PNPLA5: variants seen among roughly 807,000 people sequenced by gnomAD.
The protein encoded by PNPLA5 is patatin-like phospholipase domain-containing protein 5.
In PNPLA5, 44 loss-of-function variants were observed where a neutral mutation model predicts 49.1. The observed-to-expected ratio is 0.90, with a 90% CI of 0.70 to 1.15. The LOEUF (loss-of-function observed/expected upper bound fraction) is 1.15, where lower values mean the gene tolerates loss of function less well. PNPLA5 is among the 50% of genes most tolerant of loss of function. The pLI is 0.00. For missense variants in PNPLA5, 603 were observed against 564.0 expected (o/e 1.07, Z -0.70); for synonymous variants, 243 against 244.4 (o/e 0.99, Z 0.06).
rs1164781414 is a variant in PNPLA5 at position 43,891,791 on chromosome 22, G to T, written c.90C>A (p.Cys30Ter). 2 of 1,526,652 alleles carry T rather than the reference G, an allele frequency of 1.3e-6. No homozygotes were observed. Among genetic ancestry groups the T allele is most frequent in the Non-Finnish European group, 1.8e-6 (2 of 1,140,434 alleles). The allele number at this position is 1,526,652 out of a possible 1,614,324, so 94.6% of individuals were successfully genotyped here. The change falls in exon 1 of 9, where the codon TGC (cysteine) becomes TGA (stop). Residue 30 changes from cysteine (C) to a stop codon, truncating the protein, a stop_gained. Transcript: ENST00000216177. LOFTEE classifies it high-confidence loss of function. ...LGAHHVGATE[C>*]LRQRAPRLLQ... ...GGAGGCGCGGGGCTCGCTGGCGCAG[G>T]CATTCGGTGGCGCCCACGTGGTGGG...
Position 43,882,644 on chromosome 22 carries a change from G to A in PNPLA5, c.1083-970C>T, listed in dbSNP as rs554777261. ...GGCTCCCCTTTGGGGCTCACACAATGAGTTTCTTTTTTTAACTGAAAACTG... is the reference window on the plus strand; with the variant it reads ...GGCTCCCCTTTGGGGCTCACACAATAAGTTTCTTTTTTTAACTGAAAACTG... On this transcript the variant is annotated intron_variant, in intron 7 of 8. Coordinates refer to ENST00000216177, the MANE Select transcript of PNPLA5 (RefSeq NM_138814.4). 6.6e-5 allele frequency among the ~76,000 whole-genome samples: 10 copies of A among 152,364 alleles called. No individual in the cohort carries two copies. The East Asian group carries it at 1.9e-3, about 29-fold the overall frequency.
Position 43,891,108 on chromosome 22 carries a change from C to T in PNPLA5, c.380G>A (p.Arg127His). 3 of 1,610,296 alleles carry T rather than the reference C, an allele frequency of 1.9e-6. No homozygotes were observed. The highest frequency in any genetic ancestry group is 2.5e-6 in the Non-Finnish European group (3 of 1,178,336). Residue 127 changes from arginine to histidine, a missense_variant, in exon 2 of 9, where the codon CGC becomes CAC. Transcript: ENST00000216177. ...GISLTRWPDG[R>H]NFLVTDFATC... The stretch of plus-strand genomic sequence containing the variant: ...GGCGAAGTCAGTGACCAAGAAGTTG[C>T]GTCCGTCAGGCCAGCGGGTCAGCGA...
chr22:43,886,231 G>T, intron 6 of PNPLA5, 72 bp downstream of exon 6: 12 of 1,507,474 alleles, frequency 8.0e-6, no homozygotes, highest in Non-Finnish European at 9.8e-6. Context: ...GTGCCTTCAA[G>T]GCAGGGTCCC....
chr22:43,884,729 C>CA (rs56384598), intron 6 of PNPLA5, among the ~76,000 whole-genome samples: 75,365 of 151,978 alleles, frequency 0.5, 19,504 homozygotes, highest in East Asian at 0.94. Flanking sequence ...CACACTCTCT[C>CA]ATAACAGTAA....
chr22:43,882,158 C>T (rs1380633336), intron 7 of PNPLA5, among the ~76,000 whole-genome samples: 11 of 152,212 alleles, frequency 7.2e-5, no homozygotes, highest in Non-Finnish European at 1.0e-4. Context: ...CCCCATGCCC[C>T]TTCGTCCACT....
rs556325722 is a variant in PNPLA5, at chr22:43,888,848, A to T, written c.702+481T>A. 2.6e-5 allele frequency among the ~76,000 whole-genome samples: 4 copies of T among 152,190 alleles called. No individual in the cohort carries two copies. In the East Asian group the frequency reaches 7.7e-4, roughly 29 times the overall value. On this transcript the variant is annotated intron_variant, in intron 4 of 8. Coordinates refer to ENST00000216177, the MANE Select transcript of PNPLA5 (RefSeq NM_138814.4). ...CATTTGTGCCTTGCCTCTACAATGGATGGTCAATTTGGCCACAGTCAAGGA... is the reference window on the plus strand; with the variant it reads ...CATTTGTGCCTTGCCTCTACAATGGTTGGTCAATTTGGCCACAGTCAAGGA...
At chr22:43,891,348 C>T in intron 1 of PNPLA5, 54 bp from the exon 2 acceptor site, 1 of 1,498,308 alleles carries the variant, frequency 6.7e-7, no homozygotes, top group South Asian at 1.3e-5. Context: ...CCTGCCAGTC[C>T]CTCCACACCC....
At position 43,880,863 on chromosome 22, in the gene PNPLA5, C is replaced by G. The variant is rs202194830; in HGVS notation, c.1222G>C (p.Glu408Gln). Reference protein sequence around the residue: ...PISPPATRVLETSPLQPQIAP... With the variant: ...PISPPATRVLQTSPLQPQIAP... ...ATCTGGGGTTGGAGGGGGCTTGTTT[C>G]CAGGACGCGAGTGGCCGGAGGGCTG... Residue 408 changes from glutamate to glutamine, a missense_variant, in exon 9 of 9, where the codon GAA becomes CAA. Glu to Gln is a conservative substitution (Grantham distance 29). Transcript: ENST00000216177. 7 of 1,338,506 alleles carry G rather than the reference C, an allele frequency of 5.2e-6. No homozygotes were observed. The East Asian group carries it at 2.0e-4, about 37-fold the overall frequency. The allele number at this position is 1,338,506 out of a possible 1,614,324, so 82.9% of individuals were successfully genotyped here. A position where few individuals can be genotyped will look rare whatever the true frequency, so the allele number is the denominator to read the frequency against.
Position 43,890,985 on chromosome 22 carries a change from G to A in PNPLA5, c.426+77C>T, listed in dbSNP as rs916858857. The A allele has an allele frequency of 7.2e-6, 11 of 1,530,896 alleles. No homozygotes were observed. In the African/African-American group the frequency reaches 1.2e-4, roughly 17 times the overall value. 94.8% of individuals were successfully genotyped at this position (1,530,896 alleles called of 1,614,324 possible). Reference sequence around the variant, plus strand: ...TCCGCCCCTGCAGAAACGTCTGACGGGGAAGTACCTGGATGTCACTCTGGA... The same window carrying A: ...TCCGCCCCTGCAGAAACGTCTGACGAGGAAGTACCTGGATGTCACTCTGGA... On this transcript the variant is annotated intron_variant, in intron 2 of 8. Coordinates refer to ENST00000216177, the MANE Select transcript of PNPLA5 (RefSeq NM_138814.4).
At position 43,880,423 on chromosome 22, in the gene PNPLA5, G is replaced by C. The variant is rs1569506719; in HGVS notation, c.*372C>G. The C allele has an allele frequency of 1.5e-5, 6 of 398,650 alleles. No individual in the cohort carries two copies. The highest frequency in any genetic ancestry group is 1.8e-5 in the Non-Finnish European group (4 of 226,184). 24.7% of individuals were successfully genotyped at this position (398,650 alleles called of 1,614,324 possible). A position where few individuals can be genotyped will look rare whatever the true frequency, so the allele number is the denominator to read the frequency against. ...TTGGCTCCTCTGGTCTCTGACGCGG[G>C]CATCAGGCACTTTCTCAATCTTCTG... On this transcript the variant is annotated 3_prime_UTR_variant, in exon 9 of 9. Coordinates refer to ENST00000216177, the MANE Select transcript of PNPLA5 (RefSeq NM_138814.4).
chr22:43,889,658 T>C (rs1603412954), intron 3 of PNPLA5, 120 bp from the exon 4 acceptor site: 12 of 1,520,092 alleles, frequency 7.9e-6, no homozygotes, highest in African/African-American at 1.4e-5. Context: ...CCCAGGAGGC[T>C]GAACGCCCCC....
Position 43,891,889 on chromosome 22 carries a change from G to T in PNPLA5, c.-9C>A. ...TCCTCTAAGAAGCCCATGGCGGGTG[G>T]ACCGGGCGGGGTGATCGGGACGAGG... On this transcript the variant is annotated 5_prime_UTR_variant, in exon 1 of 9. Coordinates refer to ENST00000216177, the MANE Select transcript of PNPLA5 (RefSeq NM_138814.4). 6.6e-7 allele frequency: 1 copy of T among 1,508,394 alleles called. No homozygotes were observed. Among genetic ancestry groups the T allele is most frequent in the Non-Finnish European group, 8.8e-7 (1 of 1,135,630 alleles). The allele number at this position is 1,508,394 out of a possible 1,614,324, so 93.4% of individuals were successfully genotyped here. A position where few individuals can be genotyped will look rare whatever the true frequency, so the allele number is the denominator to read the frequency against.
In PNPLA5 at chr22:43,891,285, C is replaced by A. The variant is rs199891914; in HGVS notation, c.203G>T (p.Cys68Phe). ...IVCGKSVDFCCSHLLGMVGQL... is the reference protein window; with the variant it reads ...IVCGKSVDFCFSHLLGMVGQL... ...CCCAACCATGCCCAGGAGGTGGGAGCAGCAGAAGTCTGCAGTGGGGGCAGG... is the reference window on the plus strand; with the variant it reads ...CCCAACCATGCCCAGGAGGTGGGAGAAGCAGAAGTCTGCAGTGGGGGCAGG... Residue 68 changes from cysteine (C) to phenylalanine (F), a missense_variant, in exon 2 of 9, where the codon TGC becomes TTC. Transcript: ENST00000216177. The A allele has an allele frequency of 4.4e-4, 683 of 1,557,132 alleles. No individual in the cohort carries two copies. Among genetic ancestry groups the A allele is most frequent in the Non-Finnish European group, 5.4e-4 (628 of 1,152,974 alleles).
rs756471259 is a variant in PNPLA5, at chr22:43,891,722, G to A, written c.159C>T (p.Leu53=). 5.8e-6 allele frequency: 9 copies of A among 1,547,996 alleles called. No individual in the cohort carries two copies. The South Asian group carries it at 1.1e-4, about 18-fold the overall frequency. ...TGCCGCAGACGATGCTGACTGCGTTGAGCGCCCCAGACGAGGAACCGTAGA... is the reference window on the plus strand; with the variant it reads ...TGCCGCAGACGATGCTGACTGCGTTAAGCGCCCCAGACGAGGAACCGTAGA... ...RRIYGSSSGA[L]NAVSIVCGKS... is the part of the protein sequence containing the mutation. Residue 53 remains leucine (L), a synonymous_variant, in exon 1 of 9, where the codon CTC becomes CTT. Coordinates refer to ENST00000216177, the MANE Select transcript of PNPLA5 (RefSeq NM_138814.4).
At chr22:43,886,789 T>C (rs2049669785) in intron 5 of PNPLA5, among the ~76,000 whole-genome samples, 1 of 152,238 alleles carries the variant, frequency 6.6e-6, no homozygotes, top group South Asian at 2.1e-4. Flanking sequence ...AGTTTCCCTC[T>C]CTGTAAAAAA....
Position 43,891,266 on chromosome 22 carries a change from C to T in PNPLA5, c.222G>A (p.Met74Ile). Residue 74 changes from methionine to isoleucine, a missense_variant, in exon 2 of 9, where the codon ATG becomes ATA. Transcript: ENST00000216177. ...GGCTCAGCCGCTCCAACTGCCCAACCATGCCCAGGAGGTGGGAGCAGCAGA... is the reference window on the plus strand; with the variant it reads ...GGCTCAGCCGCTCCAACTGCCCAACTATGCCCAGGAGGTGGGAGCAGCAGA... ...VDFCCSHLLGMVGQLERLSLS... is the reference protein window; with the variant it reads ...VDFCCSHLLGIVGQLERLSLS... 6.4e-7 allele frequency: 1 copy of T among 1,558,520 alleles called. No homozygotes were observed. Among genetic ancestry groups the T allele is most frequent in the Non-Finnish European group, 8.7e-7 (1 of 1,151,812 alleles).
In PNPLA5 at chr22:43,880,917, C is replaced by G. The variant is rs530113924; in HGVS notation, c.1200-32G>C. 1.1e-5 allele frequency: 14 copies of G among 1,313,490 alleles called. No homozygotes were observed. In the South Asian group the frequency reaches 3.7e-4, roughly 35 times the overall value. 81.4% of individuals were successfully genotyped at this position (1,313,490 alleles called of 1,614,324 possible). The stretch of plus-strand genomic sequence containing the variant: ...AGGGAGGAGAAGCCACGGGTAAATG[C>G]CTGGGGCTCGGGAAGGGTAGGTGAA... On this transcript the variant is annotated intron_variant, in intron 8 of 8. Transcript: ENST00000216177.
intron 7 of PNPLA5, among the ~76,000 whole-genome samples, chr22:43,882,564 T>A (rs868643117): frequency 1.3e-5 from 2 of 152,254 alleles, no homozygotes; most frequent in Non-Finnish European, 2.9e-5. Context: ...AACCTATGTG[T>A]TGAACATATG....
chr22:43,891,912 A>T lies in PNPLA5; in HGVS notation c.-32T>A. On this transcript the variant is annotated 5_prime_UTR_variant, in exon 1 of 9. Transcript: ENST00000216177. ...TGGACCGGGCGGGGTGATCGGGACG[A>T]GGAAGGGTCACTCCGTGACCCGGGA... 1 of 1,498,778 alleles carries T rather than the reference A, an allele frequency of 6.7e-7. No individual in the cohort carries two copies. The highest frequency in any genetic ancestry group is 8.8e-7 in the Non-Finnish European group (1 of 1,130,706). The allele number at this position is 1,498,778 out of a possible 1,614,324, so 92.8% of individuals were successfully genotyped here. A position where few individuals can be genotyped will look rare whatever the true frequency, so the allele number is the denominator to read the frequency against.
Sources: allele counts gnomAD v4.1 joint callset (sites outside exome capture counted in the v4.1 genomes callset), GRCh38; gene constraint gnomAD v4.1.1; transcripts MANE v1.5; gene names NCBI Gene and HGNC (gene_info 2026-07-23, HGNC 2026-07-21).